Variants in CCDC177 observed in about 807,000 individuals in gnomAD.
CCDC177 encodes the protein coiled-coil domain containing 177, also known as coiled-coil domain-containing protein 177.
Under a neutral mutation model 7.3 loss-of-function variants are expected in CCDC177, and 2 were observed. The ratio of observed to expected loss-of-function variants is 0.28; its 90% CI spans 0.11 to 0.87. The LOEUF is 0.87. CCDC177 is among the 40% of genes least tolerant of loss of function. CCDC177 has a pLI of 0.61. For synonymous variants in CCDC177, 401 were observed against 449.2 expected, an observed-to-expected ratio of 0.89 and a Z score of 1.36; for missense variants, 874 against 970.5, an observed-to-expected ratio of 0.90 and a Z score of 1.32.
Position 69,569,818 on chromosome 14 carries a change from T to C in CCDC177, c.*1681A>G, listed in dbSNP as rs1195449780. 6.6e-6 allele frequency: 1 copy of C among 152,142 alleles called. No homozygotes were observed. The highest frequency in any genetic ancestry group is 1.5e-5 in the Non-Finnish European group (1 of 68,030). 9.4% of individuals were successfully genotyped at this position (152,142 alleles called of 1,614,324 possible). On this transcript the variant is annotated 3_prime_UTR_variant, in exon 2 of 2. Coordinates refer to ENST00000599174, the MANE Select transcript of CCDC177 (RefSeq NM_001271507.2). ...GGACAATTTTACCCAGCAGAATATA[T>C]ATGAAATATGTTTAATGTAGCAGTT... is the stretch of plus-strand genomic sequence containing the variant.
Position 69,572,680 on chromosome 14 carries a change from C to G in CCDC177, c.943G>C (p.Ala315Pro). The G allele has an allele frequency of 1.6e-6, 2 of 1,231,372 alleles. No homozygotes were observed. Among genetic ancestry groups the G allele is most frequent in the Non-Finnish European group, 1.0e-6 (1 of 987,670 alleles). 76.3% of individuals were successfully genotyped at this position (1,231,372 alleles called of 1,614,324 possible). ...CGCACGATGCGCTCCACGTGCTGAG[C>G]GGTCTGCGGCGAATGGCTCAGGTCG... is the stretch of plus-strand genomic sequence containing the variant. ...LGDLSHSPQT[A>P]QHVERIVRQV... The change falls in exon 2 of 2, where the codon GCT becomes CCT. Residue 315 changes from alanine to proline, a missense_variant. Transcript: ENST00000599174.
At chr14:69,574,386 G>A (rs551296727) in intron 1 of CCDC177, among the ~76,000 whole-genome samples, 156 bp downstream of exon 1, 1 of 152,230 alleles carries the variant, frequency 6.6e-6, no homozygotes, top group African/African-American at 2.4e-5. Flanking sequence ...GTCTGAATGT[G>A]CTAAAGATAC....
At position 69,570,850 on chromosome 14, in the gene CCDC177, C is replaced by G. The variant is rs771968451; in HGVS notation, c.*649G>C. The stretch of plus-strand genomic sequence containing the variant: ...AAAATTGAACATTATCTGCAGATGA[C>G]TGTCTAACTAGAAAACCCAAGGGAC... On this transcript the variant is annotated 3_prime_UTR_variant, in exon 2 of 2. Transcript: ENST00000599174. 4 of 457,628 alleles carry G rather than the reference C, an allele frequency of 8.7e-6. No individual in the cohort carries two copies. The highest frequency in any genetic ancestry group is 6.2e-5 in the South Asian group (4 of 64,564). 28.3% of individuals were successfully genotyped at this position (457,628 alleles called of 1,614,324 possible).
In CCDC177 at chr14:69,571,071, C is replaced by CA; in HGVS notation, c.*427dup. The CA allele has an allele frequency of 2.1e-6, 1 of 472,596 alleles. No individual in the cohort carries two copies. The highest frequency in any genetic ancestry group is 1.6e-5 in the South Asian group (1 of 64,336). 29.3% of individuals were successfully genotyped at this position (472,596 alleles called of 1,614,324 possible). On this transcript the variant is annotated 3_prime_UTR_variant, in exon 2 of 2. Coordinates refer to ENST00000599174, the MANE Select transcript of CCDC177 (RefSeq NM_001271507.2). Reference sequence around the variant, plus strand: ...GAGGTGAGCCAGGGTGATGTTCCCTCAGCAGTAGCAACACTGTCTCAGACA... The same window carrying CA: ...GAGGTGAGCCAGGGTGATGTTCCCTCAAGCAGTAGCAACACTGTCTCAGACA...
chr14:69,573,518 C>G lies in CCDC177; in HGVS notation c.105G>C (p.Gln35His). ...CCGAGGCCGAGGAAGCTGCGGGCTC[C>G]TGTGCGCCCTGGGAATCAGGGGGCA... ...ASVPPDSQGAQEPAASSASAS... is the reference protein window; with the variant it reads ...ASVPPDSQGAHEPAASSASAS... The change falls in exon 2 of 2, where the codon CAG (glutamine) becomes CAC (histidine). Residue 35 changes from glutamine to histidine, a missense_variant. Gln to His is a conservative substitution (Grantham distance 24). Transcript: ENST00000599174. 8.1e-7 allele frequency: 1 copy of G among 1,231,644 alleles called. No individual in the cohort carries two copies. The highest frequency in any genetic ancestry group is 1.0e-6 in the Non-Finnish European group (1 of 987,854). The allele number at this position is 1,231,644 out of a possible 1,614,324, so 76.3% of individuals were successfully genotyped here. A position where few individuals can be genotyped will look rare whatever the true frequency, so the allele number is the denominator to read the frequency against.
In CCDC177 at chr14:69,572,907, C is replaced by G. The variant is rs1031236203; in HGVS notation, c.716G>C (p.Arg239Pro). 8.1e-7 allele frequency: 1 copy of G among 1,230,814 alleles called. No individual in the cohort carries two copies. Among genetic ancestry groups the G allele is most frequent in the African/African-American group, 1.6e-5 (1 of 64,400 alleles). 76.2% of individuals were successfully genotyped at this position (1,230,814 alleles called of 1,614,324 possible). A position where few individuals can be genotyped will look rare whatever the true frequency, so the allele number is the denominator to read the frequency against. The change falls in exon 2 of 2, where the codon CGG becomes CCG. Residue 239 changes from arginine to proline, a missense_variant. Coordinates refer to ENST00000599174, the MANE Select transcript of CCDC177 (RefSeq NM_001271507.2). ...CTCGGAGCTGAGGGCGCCCTCACGC[C>G]GGCGGGACAGTGAGTCCAGCGAATG... ...KSHSLDSLSR[R>P]REGALSSESG... is the part of the protein sequence containing the mutation.
chr14:69,574,528 G>C lies in CCDC177; in HGVS notation c.-29+14C>G, dbSNP rs1338624191. 6.6e-6 allele frequency: 1 copy of C among 152,314 alleles called. No homozygotes were observed. Among genetic ancestry groups the C allele is most frequent in the Non-Finnish European group, 1.5e-5 (1 of 68,116 alleles). The allele number at this position is 152,314 out of a possible 1,614,324, so 9.4% of individuals were successfully genotyped here. On this transcript the variant is annotated intron_variant, in intron 1 of 1. Transcript: ENST00000599174. Reference sequence around the variant, plus strand: ...GGTTCCCGCAGCTCCCGGTACCCGAGCCGGTTTACTCACCCCGCGTCCTGG... The same window carrying C: ...GGTTCCCGCAGCTCCCGGTACCCGACCCGGTTTACTCACCCCGCGTCCTGG...
chr14:69,572,086 C>G lies in CCDC177; in HGVS notation c.1537G>C (p.Glu513Gln). 1.6e-6 allele frequency: 2 copies of G among 1,230,652 alleles called. No individual in the cohort carries two copies. The highest frequency in any genetic ancestry group is 2.0e-6 in the Non-Finnish European group (2 of 987,228). The allele number at this position is 1,230,652 out of a possible 1,614,324, so 76.2% of individuals were successfully genotyped here. A position where few individuals can be genotyped will look rare whatever the true frequency, so the allele number is the denominator to read the frequency against. The change falls in exon 2 of 2, where the codon GAG becomes CAG. Residue 513 changes from glutamate (E) to glutamine (Q), a missense_variant. Transcript: ENST00000599174. The stretch of plus-strand genomic sequence containing the variant: ...CGGGTCCGACCCTGTAGCAGCGCCT[C>G]GTGGCGCGCCCGCTCGGCCCGGCTC... ...ELSRAERARH[E>Q]ALLQGRTRQQ...
chr14:69,569,888 T>A lies in CCDC177; in HGVS notation c.*1611A>T, dbSNP rs2139562215. On this transcript the variant is annotated 3_prime_UTR_variant, in exon 2 of 2. Transcript: ENST00000599174. ...TTTTTTTTTGGTAACATTTTATTCC[T>A]GATCCTGGTTTAATGTAAAAAGTGA... is the stretch of plus-strand genomic sequence containing the variant. The A allele has an allele frequency of 6.6e-6, 1 of 152,228 alleles. No homozygotes were observed. The allele number at this position is 152,228 out of a possible 1,614,324, so 9.4% of individuals were successfully genotyped here. A position where few individuals can be genotyped will look rare whatever the true frequency, so the allele number is the denominator to read the frequency against.
In CCDC177 at chr14:69,570,680, C is replaced by A. The variant is rs997145202; in HGVS notation, c.*819G>T. On this transcript the variant is annotated 3_prime_UTR_variant, in exon 2 of 2. Transcript: ENST00000599174. ...TCTTCATGGAGTGGGCCCCACCCTG[C>A]AAGGAAGCTTAATGGAATGGAACAC... 7.8e-6 allele frequency: 3 copies of A among 383,930 alleles called. No homozygotes were observed. In the East Asian group the frequency reaches 2.1e-4, roughly 27 times the overall value. 23.8% of individuals were successfully genotyped at this position (383,930 alleles called of 1,614,324 possible).
At position 69,571,874 on chromosome 14, in the gene CCDC177, C is replaced by T. The variant is rs931595439; in HGVS notation, c.1749G>A (p.Ala583=). ...AAERKEREHQ[A]HLEALARAGE... Reference sequence around the variant, plus strand: ...CCGCCCGGGCCAGCGCCTCCAGGTGCGCCTGATGTTCCCGCTCTTTGCGCT... The same window carrying T: ...CCGCCCGGGCCAGCGCCTCCAGGTGTGCCTGATGTTCCCGCTCTTTGCGCT... Residue 583 remains alanine (A), a synonymous_variant, in exon 2 of 2, where the codon GCG becomes GCA. Coordinates refer to ENST00000599174, the MANE Select transcript of CCDC177 (RefSeq NM_001271507.2). 1.1e-5 allele frequency: 14 copies of T among 1,231,564 alleles called. No individual in the cohort carries two copies. The East Asian group carries it at 2.5e-4, about 22-fold the overall frequency. 76.3% of individuals were successfully genotyped at this position (1,231,564 alleles called of 1,614,324 possible).
In CCDC177 at chr14:69,572,338, G is replaced by A; in HGVS notation, c.1285C>T (p.Arg429Trp). Residue 429 changes from arginine to tryptophan, a missense_variant, in exon 2 of 2, where the codon CGG becomes TGG. Transcript: ENST00000599174. Reference sequence around the variant, plus strand: ...AGGCCCTGGCGTTCGGCCAGCTCCCGCCGCCGCTCCTCGCTGCGCTCGTAC... The same window carrying A: ...AGGCCCTGGCGTTCGGCCAGCTCCCACCGCCGCTCCTCGCTGCGCTCGTAC... Reference protein sequence around the residue: ...RQYERSEERRRELAERQGLLR... With the variant: ...RQYERSEERRWELAERQGLLR... 1 of 1,225,520 alleles carries A rather than the reference G, an allele frequency of 8.2e-7. No individual in the cohort carries two copies. The highest frequency in any genetic ancestry group is 1.0e-6 in the Non-Finnish European group (1 of 984,146). 75.9% of individuals were successfully genotyped at this position (1,225,520 alleles called of 1,614,324 possible).
In CCDC177 at chr14:69,570,503, A is replaced by G. The variant is rs900051736; in HGVS notation, c.*996T>C. 3.3e-6 allele frequency: 1 copy of G among 299,526 alleles called. No homozygotes were observed. Among genetic ancestry groups the G allele is most frequent in the Non-Finnish European group, 6.6e-6 (1 of 152,642 alleles). 18.6% of individuals were successfully genotyped at this position (299,526 alleles called of 1,614,324 possible). ...AGCCAAGGATACCCTAATTGTCCTC[A>G]GAGAAGTAGAGATGATTCCTTCACA... is the stretch of plus-strand genomic sequence containing the variant. On this transcript the variant is annotated 3_prime_UTR_variant, in exon 2 of 2. Coordinates refer to ENST00000599174, the MANE Select transcript of CCDC177 (RefSeq NM_001271507.2).
chr14:69,571,286 G>T lies in CCDC177; in HGVS notation c.*213C>A. The T allele has an allele frequency of 1.8e-6, 1 of 570,556 alleles. No individual in the cohort carries two copies. Among genetic ancestry groups the T allele is most frequent in the South Asian group, 2.5e-5 (1 of 39,376 alleles). 35.3% of individuals were successfully genotyped at this position (570,556 alleles called of 1,614,324 possible). ...CGGGAGCCATCAAGGGTGGATGTGGGCAGATTGTGCTGTCATCTCCAAATG... is the reference window on the plus strand; with the variant it reads ...CGGGAGCCATCAAGGGTGGATGTGGTCAGATTGTGCTGTCATCTCCAAATG... On this transcript the variant is annotated 3_prime_UTR_variant, in exon 2 of 2. Coordinates refer to ENST00000599174, the MANE Select transcript of CCDC177 (RefSeq NM_001271507.2).
Position 69,573,160 on chromosome 14 carries a change from T to A in CCDC177, c.463A>T (p.Ile155Phe). 3 of 1,229,542 alleles carry A rather than the reference T, an allele frequency of 2.4e-6. No homozygotes were observed. The highest frequency in any genetic ancestry group is 3.0e-6 in the Non-Finnish European group (3 of 986,684). 76.2% of individuals were successfully genotyped at this position (1,229,542 alleles called of 1,614,324 possible). ...LQQCRAERER[I>F]MREEKRRLFT... The stretch of plus-strand genomic sequence containing the variant: ...AGACGCCGCTTCTCCTCGCGCATGA[T>A]GCGCTCGCGCTCGGCCCGGCATTGC... Residue 155 changes from isoleucine (I) to phenylalanine (F), a missense_variant, in exon 2 of 2, where the codon ATC becomes TTC. Coordinates refer to ENST00000599174, the MANE Select transcript of CCDC177 (RefSeq NM_001271507.2).
At position 69,571,444 on chromosome 14, in the gene CCDC177, T is replaced by G; in HGVS notation, c.*55A>C. On this transcript the variant is annotated 3_prime_UTR_variant, in exon 2 of 2. Coordinates refer to ENST00000599174, the MANE Select transcript of CCDC177 (RefSeq NM_001271507.2). The stretch of plus-strand genomic sequence containing the variant: ...CGGGGACTCCCACGATGGTCAGTGG[T>G]TGAGGGAGGCCCCAGGGGGCTGTGC... 8.3e-7 allele frequency: 1 copy of G among 1,205,814 alleles called. No individual in the cohort carries two copies. The highest frequency in any genetic ancestry group is 1.0e-6 in the Non-Finnish European group (1 of 952,670). The allele number at this position is 1,205,814 out of a possible 1,614,324, so 74.7% of individuals were successfully genotyped here. A position where few individuals can be genotyped will look rare whatever the true frequency, so the allele number is the denominator to read the frequency against.
In CCDC177 at chr14:69,570,750, T is replaced by C. The variant is rs778705885; in HGVS notation, c.*749A>G. 2.2e-6 allele frequency: 1 copy of C among 455,528 alleles called. No individual in the cohort carries two copies. Among genetic ancestry groups the C allele is most frequent in the South Asian group, 1.6e-5 (1 of 64,458 alleles). 28.2% of individuals were successfully genotyped at this position (455,528 alleles called of 1,614,324 possible). On this transcript the variant is annotated 3_prime_UTR_variant, in exon 2 of 2. Coordinates refer to ENST00000599174, the MANE Select transcript of CCDC177 (RefSeq NM_001271507.2). Reference sequence around the variant, plus strand: ...CCCCTCCAGGGGCTGGGGGTTTCTATTAAAGCTAAACAGCATCACCAAACC... The same window carrying C: ...CCCCTCCAGGGGCTGGGGGTTTCTACTAAAGCTAAACAGCATCACCAAACC...
At position 69,571,434 on chromosome 14, in the gene CCDC177, T is replaced by C; in HGVS notation, c.*65A>G. 1 of 1,133,544 alleles carries C rather than the reference T, an allele frequency of 8.8e-7. No individual in the cohort carries two copies. Among genetic ancestry groups the C allele is most frequent in the Non-Finnish European group, 1.1e-6 (1 of 885,626 alleles). 70.2% of individuals were successfully genotyped at this position (1,133,544 alleles called of 1,614,324 possible). A position where few individuals can be genotyped will look rare whatever the true frequency, so the allele number is the denominator to read the frequency against. ...GCGCACCGAGCGGGGACTCCCACGA[T>C]GGTCAGTGGTTGAGGGAGGCCCCAG... On this transcript the variant is annotated 3_prime_UTR_variant, in exon 2 of 2. Transcript: ENST00000599174.
Position 69,572,061 on chromosome 14 carries a change from C to G in CCDC177, c.1562G>C (p.Arg521Pro), listed in dbSNP as rs770994055. The G allele has an allele frequency of 8.1e-7, 1 of 1,230,806 alleles. No individual in the cohort carries two copies. Among genetic ancestry groups the G allele is most frequent in the African/African-American group, 1.6e-5 (1 of 64,362 alleles). The allele number at this position is 1,230,806 out of a possible 1,614,324, so 76.2% of individuals were successfully genotyped here. A position where few individuals can be genotyped will look rare whatever the true frequency, so the allele number is the denominator to read the frequency against. ...GCCCTCTCGCTCCTGGCGCTGCTGC[C>G]GGGTCCGACCCTGTAGCAGCGCCTC... ...RHEALLQGRTRQQRQEREGLR... is the reference protein window; with the variant it reads ...RHEALLQGRTPQQRQEREGLR... Residue 521 changes from arginine to proline, a missense_variant, in exon 2 of 2, where the codon CGG becomes CCG. Physicochemically the swap from Arg to Pro is moderately radical, Grantham distance 103. Coordinates refer to ENST00000599174, the MANE Select transcript of CCDC177 (RefSeq NM_001271507.2).
Sources: allele counts gnomAD v4.1 joint callset (sites outside exome capture counted in the v4.1 genomes callset), GRCh38; gene constraint gnomAD v4.1.1; transcripts MANE v1.5; gene names NCBI Gene and HGNC (gene_info 2026-07-23, HGNC 2026-07-21).